The following PDE4D variants were observed in gnomAD, a reference collection of about 807,000 sequenced individuals.
PDE4D encodes phosphodiesterase 4D, also known as 3',5'-cyclic-AMP phosphodiesterase 4D.
Under a neutral mutation model 87.4 loss-of-function variants are expected in PDE4D, and 24 were observed. The ratio of observed to expected loss-of-function variants is 0.27; its 90% CI spans 0.20 to 0.39. PDE4D has a LOEUF of 0.39. PDE4D is among the 10% of genes least tolerant of loss of function. The pLI is 1.00. For synonymous variants in PDE4D, 384 were observed against 383.2 expected, an observed-to-expected ratio of 1.00 and a Z score of -0.02; for missense variants, 714 against 1,041.0, an observed-to-expected ratio of 0.69 and a Z score of 4.32.
rs576509050 is a variant in PDE4D at position 59,077,107 on chromosome 5, A to C, written c.809-38136T>G. On this transcript the variant is annotated intron_variant, in intron 5 of 14. Coordinates refer to ENST00000340635, the MANE Select transcript of PDE4D (RefSeq NM_001104631.2). ...TATATGACAATTGGTCAAGTTACTT[A>C]ACCTCTCTCTGGTCTCAAGTTTCTT... 2.0e-5 allele frequency among the ~76,000 whole-genome samples: 3 copies of C among 152,260 alleles called. No homozygotes were observed. In the South Asian group the frequency reaches 6.2e-4, roughly 32 times the overall value.
At chr5:59,124,027 A>C (rs929557746) in intron 5 of PDE4D, among the ~76,000 whole-genome samples, 2 of 152,216 alleles carry the variant, frequency 1.3e-5, no homozygotes, top group Admixed American at 6.5e-5. Context: ...TCAACATGTT[A>C]CCTTAGAAAC....
chr5:60,357,825 A>G (rs906756437), intron 1 of PDE4D, among the ~76,000 whole-genome samples: 4 of 152,180 alleles, frequency 2.6e-5, no homozygotes, highest in Non-Finnish European at 4.4e-5. Flanking sequence ...ATATGTTTTT[A>G]TTCAACTAGC....
At chr5:60,166,785 A>G (rs1782946596) in intron 2 of PDE4D, among the ~76,000 whole-genome samples, 1 of 152,142 alleles carries the variant, frequency 6.6e-6, no homozygotes, top group African/African-American at 2.4e-5. Flanking sequence ...TTTCTGGGAA[A>G]GTATTTATTT....
At chr5:60,219,187 C>G (rs189015535) in intron 1 of PDE4D, among the ~76,000 whole-genome samples, 1 of 152,090 alleles carries the variant, frequency 6.6e-6, no homozygotes, top group Non-Finnish European at 1.5e-5. Context: ...CCTTATCAAC[C>G]TAATTAGATG....
intron 1 of PDE4D, among the ~76,000 whole-genome samples, chr5:59,818,431 A>G (rs1189607850): frequency 6.6e-6 from 1 of 152,200 alleles, no homozygotes; most frequent in African/African-American, 2.4e-5. Flanking sequence ...TATCAATACA[A>G]CTACTATCTC....
At chr5:59,472,954 T>C (rs1802680656) in intron 1 of PDE4D, among the ~76,000 whole-genome samples, 1 of 151,934 alleles carries the variant, frequency 6.6e-6, no homozygotes, top group South Asian at 2.1e-4. Flanking sequence ...CTCTCTTTAA[T>C]CCCATCAGAC....
At chr5:59,589,443 G>C (rs1222265791) in intron 1 of PDE4D, among the ~76,000 whole-genome samples, 1 of 152,106 alleles carries the variant, frequency 6.6e-6, no homozygotes, top group Non-Finnish European at 1.5e-5. Flanking sequence ...ACTCTGGTTA[G>C]TGATCTTTGA....
intron 1 of PDE4D, among the ~76,000 whole-genome samples, chr5:59,343,757 G>A (rs976020832): frequency 5.3e-5 from 8 of 152,048 alleles, no homozygotes; most frequent in African/African-American, 1.4e-4. Flanking sequence ...TGTTATTTCT[G>A]TAAGCTTAAA....
At chr5:59,030,656 G>A (rs1020483090) in intron 6 of PDE4D, among the ~76,000 whole-genome samples, 5 of 152,116 alleles carry the variant, frequency 3.3e-5, no homozygotes, top group Admixed American at 2.0e-4. Context: ...CATTGAGCCC[G>A]AGAATTTGAG....
chr5:59,068,452 C>T (rs942957694), intron 5 of PDE4D, among the ~76,000 whole-genome samples: 2 of 152,118 alleles, frequency 1.3e-5, no homozygotes, highest in African/African-American at 4.8e-5. Flanking sequence ...ATGGCAGACA[C>T]TGACAGATGC....
At chr5:60,390,670 C>A (rs922785644) in intron 1 of PDE4D, among the ~76,000 whole-genome samples, 4 of 151,350 alleles carry the variant, frequency 2.6e-5, no homozygotes, top group Admixed American at 6.6e-5. Flanking sequence ...AAACAAGAAC[C>A]ACCAGCTGAG....
chr5:59,972,706 T>C (rs1358690624), intron 3 of PDE4D, among the ~76,000 whole-genome samples: 3 of 152,322 alleles, frequency 2.0e-5, no homozygotes, highest in East Asian at 3.9e-4. Flanking sequence ...AGTTCACTTA[T>C]CAAGGTTCAC....
chr5:59,121,751 A>T (rs1416286456), intron 5 of PDE4D, among the ~76,000 whole-genome samples: 2 of 152,162 alleles, frequency 1.3e-5, no homozygotes, highest in African/African-American at 4.8e-5. Context: ...TGGTGTATCA[A>T]AGAGATACCT....
intron 1 of PDE4D, among the ~76,000 whole-genome samples, chr5:59,710,488 A>C (rs1754053930): frequency 6.6e-6 from 1 of 152,170 alleles, no homozygotes; most frequent in Non-Finnish European, 1.5e-5. Context: ...AATCCCTTAA[A>C]ATTTCATTTG....
chr5:59,785,009 C>A (rs965864), intron 1 of PDE4D, among the ~76,000 whole-genome samples: 93,089 of 152,062 alleles, frequency 0.61, 30,040 homozygotes, highest in African/African-American at 0.81. Context: ...CTGTAAGTCC[C>A]TTAAACCTGT....
chr5:60,233,179 TCACACACACACACACATA>T (rs1359126011), intron 1 of PDE4D, among the ~76,000 whole-genome samples: 174 of 148,298 alleles, frequency 1.2e-3, no homozygotes, highest in African/African-American at 4.2e-3. Context: ...GAGGTCGTTG[TCACACACACACACACATA>T]CACACACACA....
intron 1 of PDE4D, among the ~76,000 whole-genome samples, chr5:59,682,151 T>G (rs1459893856): frequency 6.6e-6 from 1 of 152,128 alleles, no homozygotes; most frequent in Admixed American, 6.5e-5. Flanking sequence ...CACAAGTAAC[T>G]GATTTAGACA....
At position 59,207,451 on chromosome 5, in the gene PDE4D, C is replaced by G. The variant is rs116373725; in HGVS notation, c.647+8326G>C. 4.8e-3 allele frequency among the ~76,000 whole-genome samples: 735 copies of G among 152,130 alleles called. 9 individuals are homozygous for G. The highest frequency in any genetic ancestry group is 0.017 in the African/African-American group (692 of 41,488). Reference sequence around the variant, plus strand: ...GGTCCTTCATCTAGGGGCCGTGTTTCATTGAGAGCACTATCCAGGTTACTG... The same window carrying G: ...GGTCCTTCATCTAGGGGCCGTGTTTGATTGAGAGCACTATCCAGGTTACTG... On this transcript the variant is annotated intron_variant, in intron 2 of 14. Transcript: ENST00000340635.
intron 2 of PDE4D, among the ~76,000 whole-genome samples, chr5:60,169,018 T>C (rs1783175292): frequency 6.6e-6 from 1 of 152,170 alleles, no homozygotes; most frequent in South Asian, 2.1e-4. Flanking sequence ...TTTCATTTTG[T>C]TTATTGTATT....
Sources: gnomAD v4.1 joint callset for allele counts (sites outside exome capture counted in the v4.1 genomes callset) on GRCh38, gnomAD v4.1.1 for gene constraint, MANE v1.5 for transcripts, NCBI Gene and HGNC (gene_info 2026-07-23, HGNC 2026-07-21) for gene names.